EP400: variants seen among roughly 807,000 people sequenced by gnomAD.
The protein encoded by EP400 is E1A binding protein p400, also known as E1A-binding protein p400.
A neutral mutation model predicts 354.1 loss-of-function variants in EP400; 105 were observed. The observed-to-expected ratio is 0.30, with a 90% CI of 0.25 to 0.35. The LOEUF (loss-of-function observed/expected upper bound fraction) is 0.35. Among genes scored for constraint, EP400 ranks in the 10% least tolerant of loss-of-function variants. The pLI is 1.00. For missense variants in EP400, 3,280 were observed against 4,121.0 expected, an observed-to-expected ratio of 0.80 and a Z score of 5.59; for synonymous variants, 1,646 against 1,716.9, an observed-to-expected ratio of 0.96 and a Z score of 1.02.
At chr12:132,049,858 A>G (rs1341027218) in intron 39 of EP400, among the ~76,000 whole-genome samples, 2 of 152,246 alleles carry the variant, frequency 1.3e-5, no homozygotes, top group Non-Finnish European at 2.9e-5. Flanking sequence ...AAGCACTGCT[A>G]GAGACCCCAA....
rs779233540 is a variant in EP400 at position 131,986,531 on chromosome 12, G to C, written c.1947G>C (p.Arg649Ser). Residue 649 changes from arginine to serine, a missense_variant, in exon 6 of 53, where the codon AGG becomes AGC. Arg to Ser is a moderately radical substitution (Grantham distance 110, BLOSUM62 -1). Transcript: ENST00000389561. Reference sequence around the variant, plus strand: ...CCTTACAGATGGTAGCATCGACAAGGCTCCCTGTGGACCCTGCCCCGCCCT... The same window carrying C: ...CCTTACAGATGGTAGCATCGACAAGCCTCCCTGTGGACCCTGCCCCGCCCT... ...SSLPQMVAST[R>S]LPVDPAPPCP... is the part of the protein sequence containing the mutation. 2.5e-6 allele frequency: 4 copies of C among 1,606,384 alleles called. No individual in the cohort carries two copies. The highest frequency in any genetic ancestry group is 2.6e-6 in the Non-Finnish European group (3 of 1,175,568).
At chr12:131,959,881 G>A (rs982141985) in intron 1 of EP400, among the ~76,000 whole-genome samples, 1 of 152,246 alleles carries the variant, frequency 6.6e-6, no homozygotes, top group African/African-American at 2.4e-5. Flanking sequence ...CTCTCCTGCA[G>A]TAGCCCCGGG....
chr12:132,064,129 G>A (rs577176191), intron 47 of EP400, among the ~76,000 whole-genome samples: 6 of 146,892 alleles, frequency 4.1e-5, no homozygotes, highest in East Asian at 2.1e-4. Context: ...CACCTGCCCC[G>A]GTTCAACCAC....
At position 131,960,707 on chromosome 12, in the gene EP400, G is replaced by GTC; in HGVS notation, c.88_89insTC (p.Ala30ValfsTer33). On this transcript the variant is annotated frameshift_variant, in exon 2 of 53. Transcript: ENST00000389561. LOFTEE classifies it high-confidence loss of function. ...TGGCAGCGAGGGTGAGGAGCAGCCG[G>GTC]CCCACCCCAACCCACCCCCGTCCCC... is the stretch of plus-strand genomic sequence containing the variant. 21 of 1,545,510 alleles carry GTC rather than the reference G, an allele frequency of 1.4e-5. No homozygotes were observed. The highest frequency in any genetic ancestry group is 6.0e-5 in the Admixed American group (3 of 50,216).
chr12:132,064,779 T>C lies in EP400; in HGVS notation c.8446T>C (p.Ser2816Pro). The C allele has an allele frequency of 6.2e-7, 1 of 1,613,070 alleles. No homozygotes were observed. The highest frequency in any genetic ancestry group is 8.5e-7 in the Non-Finnish European group (1 of 1,179,840). Residue 2816 changes from serine (S) to proline (P), a missense_variant, in exon 48 of 53, where the codon TCG (serine) becomes CCG (proline). This residue lies in a region of EP400 where 86 missense variants were observed against 66.4 expected (regional missense o/e 1.29). Coordinates refer to ENST00000389561, the MANE Select transcript of EP400 (RefSeq NM_015409.5). ...QPTAQVQVQT[S>P]QPPQQQSPQL... is the part of the protein sequence containing the mutation. ...AACAGCCCAAGTGCAAGTGCAGACC[T>C]CGCAGCCGCCGCAGCAGCAGAGCCC...
At chr12:132,071,929 G>A (rs920889031) in intron 51 of EP400, among the ~76,000 whole-genome samples, 7 of 151,926 alleles carry the variant, frequency 4.6e-5, no homozygotes, top group Non-Finnish European at 1.5e-5. Flanking sequence ...TCCGAGGGCT[G>A]TTAGTACAGT....
rs1894373173 is a variant in EP400 at position 132,028,259 on chromosome 12, T to C, written c.5352T>C (p.Cys1784=). Residue 1784 remains cysteine (C), a synonymous_variant, in exon 27 of 53, where the codon TGT becomes TGC. Coordinates refer to ENST00000389561, the MANE Select transcript of EP400 (RefSeq NM_015409.5). Reference sequence around the variant, plus strand: ...AGCTGATGTTGACGCTTTGTCGGTGTGGAGAGTCTCTGCAGGATGTTATTG... The same window carrying C: ...AGCTGATGTTGACGCTTTGTCGGTGCGGAGAGTCTCTGCAGGATGTTATTG... ...PSELMLTLCR[C]GESLQDVIDR... The C allele has an allele frequency of 2.5e-6, 4 of 1,614,164 alleles. No individual in the cohort carries two copies. Among genetic ancestry groups the C allele is most frequent in the Non-Finnish European group, 3.4e-6 (4 of 1,180,000 alleles).
At chr12:132,069,356 G>A in intron 50 of EP400, 139 bp from the exon 51 acceptor site, 1 of 1,206,752 alleles carries the variant, frequency 8.3e-7, no homozygotes, top group Non-Finnish European at 1.2e-6. Context: ...GGCAGGAGAT[G>A]TGGGTATGCA....
In EP400 at chr12:132,043,629, T is replaced by C. The variant is rs1250955695; in HGVS notation, c.6367-16T>C. The C allele has an allele frequency of 1.3e-6, 2 of 1,599,174 alleles. No individual in the cohort carries two copies. The highest frequency in any genetic ancestry group is 2.7e-5 in the African/African-American group (2 of 73,958). On this transcript the variant is annotated splice_polypyrimidine_tract_variant and intron_variant, in intron 33 of 52. Coordinates refer to ENST00000389561, the MANE Select transcript of EP400 (RefSeq NM_015409.5). The stretch of plus-strand genomic sequence containing the variant: ...CTTGCTATTAACCCTATTCAAAAAA[T>C]ATACTTTTGGAACAGCTTACACCAA...
At chr12:131,986,419 G>A (rs1271630456) in intron 5 of EP400, 95 bp from the exon 6 acceptor site, 15 of 1,265,868 alleles carry the variant, frequency 1.2e-5, no homozygotes, top group African/African-American at 4.5e-5. Context: ...CTGGCAGTGC[G>A]CGTCTCTGGT....
intron 2 of EP400, 88 bp downstream of exon 2, chr12:131,962,042 C>T: frequency 7.0e-7 from 1 of 1,425,892 alleles, no homozygotes; most frequent in Non-Finnish European, 9.3e-7. Flanking sequence ...ATTTATTGAG[C>T]CTGCGGTATT....
At chr12:132,060,388 G>A (rs575751005) in intron 45 of EP400, among the ~76,000 whole-genome samples, 5 of 152,174 alleles carry the variant, frequency 3.3e-5, no homozygotes, top group African/African-American at 4.8e-5. Flanking sequence ...ACACTGATGC[G>A]TATATGTAGA....
At chr12:132,042,789 C>G (rs967038572) in intron 32 of EP400, among the ~76,000 whole-genome samples, 5 of 152,230 alleles carry the variant, frequency 3.3e-5, no homozygotes, top group South Asian at 2.1e-4. Context: ...GTATCTTGCA[C>G]TGTGGTAAAG....
intron 11 of EP400, among the ~76,000 whole-genome samples, 196 bp downstream of exon 11, chr12:131,992,426 C>T (rs1324813496): frequency 6.6e-6 from 1 of 152,194 alleles, no homozygotes; most frequent in African/African-American, 2.4e-5. Context: ...TCTGGAGCAA[C>T]ATGGTCGTAT....
intron 1 of EP400, among the ~76,000 whole-genome samples, chr12:131,956,010 A>G (rs1891686479): frequency 6.6e-6 from 1 of 152,176 alleles, no homozygotes; most frequent in African/African-American, 2.4e-5. Context: ...AGCTGTAGCT[A>G]CGGTTCTTTA....
intron 48 of EP400, 88 bp from the exon 49 acceptor site, chr12:132,066,686 C>T: frequency 1.5e-6 from 2 of 1,361,038 alleles, no homozygotes; most frequent in Non-Finnish European, 2.0e-6. Flanking sequence ...TAAATTTTCT[C>T]ATGGCATGAC....
Position 132,028,043 on chromosome 12 carries a change from G to A in EP400, c.5136G>A (p.Glu1712=). ...AGGAAAAGACCAGACTCTTGAAAGAGCGCCTGGATCAGATTTATTTAGTCA... is the reference window on the plus strand; with the variant it reads ...AGGAAAAGACCAGACTCTTGAAAGAACGCCTGGATCAGATTTATTTAGTCA... The part of the protein sequence containing the change: ...TQEEKTRLLK[E]RLDQIYLVNE... Residue 1712 remains glutamate, a synonymous_variant, in exon 27 of 53, where the codon GAG becomes GAA. Coordinates refer to ENST00000389561, the MANE Select transcript of EP400 (RefSeq NM_015409.5). 1 of 1,613,892 alleles carries A rather than the reference G, an allele frequency of 6.2e-7. No homozygotes were observed. The highest frequency in any genetic ancestry group is 8.5e-7 in the Non-Finnish European group (1 of 1,179,758).
intron 51 of EP400, chr12:132,076,247 G>GA: frequency 2.0e-6 from 1 of 496,384 alleles, no homozygotes; most frequent in South Asian, 1.9e-5. Context: ...TCGTTTTTGT[G>GA]AAAAGAAAAA....
rs141727831 is a variant in EP400 at position 131,965,291 on chromosome 12, A to G, written c.1335+3337A>G. On this transcript the variant is annotated intron_variant, in intron 2 of 52. Transcript: ENST00000389561. ...AATGATGAGTAATTTGGGGGAAGAT[A>G]CTTTGAGACTATGTAAATATCCTGA... Among the ~76,000 whole-genome samples, 14 of 152,290 alleles carry G rather than the reference A, an allele frequency of 9.2e-5. No homozygotes were observed. The East Asian group carries it at 2.5e-3, about 27-fold the overall frequency.
Sources: gnomAD v4.1 joint callset for allele counts (sites outside exome capture counted in the v4.1 genomes callset) on GRCh38, gnomAD v4.1.1 for gene constraint, gnomAD v4.1.1 regional missense constraint, MANE v1.5 for transcripts, NCBI Gene and HGNC (gene_info 2026-07-23, HGNC 2026-07-21) for gene names.